The following CREBBP variants were observed in gnomAD, a reference collection of about 807,000 sequenced individuals.
CREBBP encodes CREB-binding protein.
A neutral mutation model predicts 265.0 loss-of-function variants in CREBBP; 19 were observed. The observed-to-expected ratio is 0.07, with a 90% CI of 0.05 to 0.11. The LOEUF is 0.11. Ranked by LOEUF, CREBBP falls within the 10% of genes least tolerant of loss-of-function variation. The pLI is 1.00. For synonymous variants in CREBBP, 1,457 were observed against 1,223.7 expected, an observed-to-expected ratio of 1.19 and a Z score of -3.98; for missense variants, 2,525 against 3,219.0, an observed-to-expected ratio of 0.78 and a Z score of 5.22.
At chr16:3,825,842 A>T (rs1286134420) in intron 2 of CREBBP, among the ~76,000 whole-genome samples, 1 of 152,260 alleles carries the variant, frequency 6.6e-6, no homozygotes, top group African/African-American at 2.4e-5. Context: ...AACGGAAAAA[A>T]ATACAAGGAA....
intron 3 of CREBBP, among the ~76,000 whole-genome samples, chr16:3,804,485 G>A (rs567022059): frequency 5.5e-4 from 84 of 152,334 alleles, no homozygotes; most frequent in African/African-American, 2.0e-3. Flanking sequence ...AAGTTAGGGT[G>A]ATTTGGGCTG....
In CREBBP at chr16:3,880,375, G is replaced by A. The variant is rs938828554; in HGVS notation, c.-459C>T. 1 of 142,038 alleles carries A rather than the reference G, an allele frequency of 7.0e-6. No individual in the cohort carries two copies. The highest frequency in any genetic ancestry group is 2.6e-5 in the African/African-American group (1 of 39,040). The allele number at this position is 142,038 out of a possible 1,614,324, so 8.8% of individuals were successfully genotyped here. A position where few individuals can be genotyped will look rare whatever the true frequency, so the allele number is the denominator to read the frequency against. Reference sequence around the variant, plus strand: ...TTCGCTCGCGGCCCGACGACGAGGGGGCTCCGGGCTCCGCTCCCGGCCCGC... The same window carrying A: ...TTCGCTCGCGGCCCGACGACGAGGGAGCTCCGGGCTCCGCTCCCGGCCCGC... On this transcript the variant is annotated 5_prime_UTR_variant, in exon 1 of 31. Transcript: ENST00000262367.
intron 11 of CREBBP, among the ~76,000 whole-genome samples, chr16:3,776,433 C>T (rs2053139239): frequency 6.6e-6 from 1 of 152,146 alleles, no homozygotes; most frequent in African/African-American, 2.4e-5. Flanking sequence ...TACTTAAGAA[C>T]CTTTCAAGGT....
chr16:3,820,988 CGCT>C (rs2054131284), intron 2 of CREBBP, among the ~76,000 whole-genome samples: 1 of 152,106 alleles, frequency 6.6e-6, no homozygotes, highest in Admixed American at 6.5e-5. Flanking sequence ...CAGTTAGAGA[CGCT>C]GGTTCCCCAA....
At chr16:3,797,229 GT>G (rs2053625556) in intron 3 of CREBBP, among the ~76,000 whole-genome samples, 1 of 152,182 alleles carries the variant, frequency 6.6e-6, no homozygotes, top group African/African-American at 2.4e-5. Flanking sequence ...TACGTTTTGT[GT>G]GATTTTGTTT....
rs1384496494 is a variant in CREBBP at position 3,793,494 on chromosome 16, G to C, written c.1108C>G (p.Arg370Gly). The C allele has an allele frequency of 5.0e-6, 8 of 1,613,976 alleles. No homozygotes were observed. The highest frequency in any genetic ancestry group is 1.7e-5 in the Admixed American group (1 of 59,994). Residue 370 changes from arginine (R) to glycine (G), a missense_variant, in exon 4 of 31, where the codon CGA becomes GGA. Around this residue, in one of 19 missense-constraint regions of CREBBP, gnomAD observed 126 missense variants for 171.9 expected, o/e 0.73. Coordinates refer to ENST00000262367, the MANE Select transcript of CREBBP (RefSeq NM_004380.3). ...CGAACCTCTCCGTTTGCTTGCTCTC[G>C]TCTCTGACACTTATGAGCATGAAGC... ...LLLHAHKCQR[R>G]EQANGEVRAC... is the part of the protein sequence containing the mutation.
chr16:3,761,426 C>T (rs1048582958), intron 16 of CREBBP: 8 of 451,494 alleles, frequency 1.8e-5, no homozygotes, highest in Admixed American at 6.8e-5. Context: ...TTCTGGAAAG[C>T]GTCATCTGAT....
intron 14 of CREBBP, among the ~76,000 whole-genome samples, chr16:3,769,695 TA>T (rs767044981): frequency 1.9e-4 from 29 of 152,180 alleles, no homozygotes; most frequent in African/African-American, 4.8e-5. Flanking sequence ...ATGTGTATGG[TA>T]AAAGGCTGAA....
At chr16:3,744,322 G>C (rs887261790) in intron 23 of CREBBP, among the ~76,000 whole-genome samples, 2 of 152,210 alleles carry the variant, frequency 1.3e-5, no homozygotes, top group Admixed American at 1.3e-4. Flanking sequence ...GGGTTAGAGA[G>C]TGCTGGCCAA....
intron 2 of CREBBP, among the ~76,000 whole-genome samples, chr16:3,819,866 C>T (rs541041636): frequency 6.6e-6 from 1 of 152,194 alleles, no homozygotes; most frequent in South Asian, 2.1e-4. Flanking sequence ...AACACTCCCA[C>T]GAAAAAAGAA....
At chr16:3,763,761 G>A (rs150502194) in intron 16 of CREBBP, among the ~76,000 whole-genome samples, 17 of 152,172 alleles carry the variant, frequency 1.1e-4, no homozygotes, top group Non-Finnish European at 2.2e-4. Context: ...ACTGCGCCCG[G>A]CCTGAAACAA....
At chr16:3,779,774 C>G (rs2053230004) in intron 8 of CREBBP, among the ~76,000 whole-genome samples, 1 of 152,132 alleles carries the variant, frequency 6.6e-6, no homozygotes, top group South Asian at 2.1e-4. Flanking sequence ...AGGGAAAAAA[C>G]TCAAAGGGAA....
Position 3,729,253 on chromosome 16 carries a change from T to C in CREBBP, c.5794A>G (p.Thr1932Ala), listed in dbSNP as rs749249146. Reference sequence around the variant, plus strand: ...CTGGTAGGCTTCCCTGTGGACACCGTGGTGGGGGGCTGAGTCCGGGCCACG... The same window carrying C: ...CTGGTAGGCTTCCCTGTGGACACCGCGGTGGGGGGCTGAGTCCGGGCCACG... Reference protein sequence around the residue: ...PSVARTQPPTTVSTGKPTSQV... With the variant: ...PSVARTQPPTAVSTGKPTSQV... Residue 1932 changes from threonine to alanine, a missense_variant, in exon 31 of 31, where the codon ACG (threonine) becomes GCG (alanine). Coordinates refer to ENST00000262367, the MANE Select transcript of CREBBP (RefSeq NM_004380.3). 6.6e-5 allele frequency: 100 copies of C among 1,518,568 alleles called. No individual in the cohort carries two copies. Among genetic ancestry groups the C allele is most frequent in the Non-Finnish European group, 8.6e-5 (98 of 1,138,642 alleles). 94.1% of individuals were successfully genotyped at this position (1,518,568 alleles called of 1,614,324 possible).
At chr16:3,828,113 CAG>C (rs1159145336) in intron 2 of CREBBP, among the ~76,000 whole-genome samples, 3 of 151,930 alleles carry the variant, frequency 2.0e-5, no homozygotes, top group South Asian at 2.1e-4. Context: ...GTTTTTGAGA[CAG>C]AGTCTCTCGC....
In CREBBP at chr16:3,729,102, G is replaced by C; in HGVS notation, c.5945C>G (p.Pro1982Arg). The C allele has an allele frequency of 6.3e-7, 1 of 1,584,384 alleles. No individual in the cohort carries two copies. Among genetic ancestry groups the C allele is most frequent in the South Asian group, 1.1e-5 (1 of 88,438 alleles). ...GGTCCCCATGCCCGTGCGTCCTGGGGGCATGCTGTTGTTGATGTTCACCCG... is the reference window on the plus strand; with the variant it reads ...GGTCCCCATGCCCGTGCGTCCTGGGCGCATGCTGTTGTTGATGTTCACCCG... ...LYRVNINNSM[P>R]PGRTGMGTPG... Residue 1982 changes from proline to arginine, a missense_variant, in exon 31 of 31, where the codon CCC becomes CGC. Pro to Arg is a moderately radical substitution (Grantham distance 103, BLOSUM62 -2). This residue lies in a region of CREBBP where 275 missense variants were observed against 276.5 expected (regional missense o/e 0.99). Coordinates refer to ENST00000262367, the MANE Select transcript of CREBBP (RefSeq NM_004380.3).
At chr16:3,780,656 G>GTACT (rs2053252785) in intron 8 of CREBBP, 76 bp downstream of exon 8, 11 of 1,492,354 alleles carry the variant, frequency 7.4e-6, no homozygotes, top group Non-Finnish European at 1.0e-5. Flanking sequence ...GGCTCCTAGG[G>GTACT]TACTGTCATC....
intron 2 of CREBBP, among the ~76,000 whole-genome samples, chr16:3,844,518 G>C (rs2054626948): frequency 2.6e-5 from 4 of 152,088 alleles, no homozygotes; most frequent in African/African-American, 9.7e-5. Flanking sequence ...AATTTTAAAA[G>C]AAATATACTA....
chr16:3,802,626 A>G (rs1372936376), intron 3 of CREBBP, among the ~76,000 whole-genome samples: 11 of 152,098 alleles, frequency 7.2e-5, no homozygotes, highest in Non-Finnish European at 4.4e-5. Flanking sequence ...AAAATAAGTC[A>G]TTTTTTACTG....
chr16:3,805,835 A>G (rs758680663), intron 3 of CREBBP, among the ~76,000 whole-genome samples: 6 of 152,236 alleles, frequency 3.9e-5, no homozygotes, highest in Non-Finnish European at 5.9e-5. Context: ...GAATCACTAG[A>G]CCAGCTCATG....
Sources: allele counts gnomAD v4.1 joint callset (sites outside exome capture counted in the v4.1 genomes callset), GRCh38; gene constraint gnomAD v4.1.1; regional missense constraint gnomAD v4.1.1; transcripts MANE v1.5; gene names NCBI Gene and HGNC (gene_info 2026-07-23, HGNC 2026-07-21).